Variants in CEP128 observed in about 807,000 individuals in gnomAD.
The protein encoded by CEP128 is centrosomal protein 128kDa.
Under a neutral mutation model 156.7 loss-of-function variants are expected in CEP128, and 132 were observed. The ratio of observed to expected loss-of-function variants is 0.84; its 90% CI spans 0.73 to 0.97. CEP128 has a LOEUF of 0.97. Ranked by LOEUF, CEP128 falls within the 50% of genes least tolerant of loss-of-function variation. The probability of loss-of-function intolerance (pLI) is 0.00; values close to 1 mark genes in which losing one functional copy is unlikely to be tolerated. For missense variants in CEP128, 1,252 were observed against 1,281.9 expected (o/e 0.98, Z 0.36); for synonymous variants, 469 against 448.9 (o/e 1.04, Z -0.57).
At chr14:80,846,792 C>T (rs2140103181) in intron 9 of CEP128, among the ~76,000 whole-genome samples, 1 of 152,246 alleles carries the variant, frequency 6.6e-6, no homozygotes, top group South Asian at 2.1e-4. Flanking sequence ...TACATTTATA[C>T]ATCATCTTGT....
chr14:80,947,042 C>T (rs1886362061), intron 2 of CEP128, among the ~76,000 whole-genome samples: 1 of 152,158 alleles, frequency 6.6e-6, no homozygotes, highest in Non-Finnish European at 1.5e-5. Context: ...CTTCAAAGCA[C>T]CATGATTGTA....
rs531550529 is a variant in CEP128 at position 80,597,696 on chromosome 14, T to A, written c.2807-17273A>T. Among the ~76,000 whole-genome samples the A allele has an allele frequency of 1.2e-4, 18 of 151,878 alleles. No individual in the cohort carries two copies. In the East Asian group the frequency reaches 3.1e-3, roughly 26 times the overall value. ...CTGAGCATAGAAAACACATCTTTTT[T>A]AAATAATTAGCAAATAGAATTTAGC... is the stretch of plus-strand genomic sequence containing the variant. On this transcript the variant is annotated intron_variant, in intron 19 of 24. Coordinates refer to ENST00000555265, the MANE Select transcript of CEP128 (RefSeq NM_152446.5).
intron 24 of CEP128, among the ~76,000 whole-genome samples, chr14:80,503,873 A>C (rs895023423): frequency 3.9e-5 from 6 of 152,212 alleles, no homozygotes; most frequent in Non-Finnish European, 8.8e-5. Flanking sequence ...GAAATAATGA[A>C]AAACCACACC....
At chr14:80,726,802 A>T (rs1245947795) in intron 19 of CEP128, among the ~76,000 whole-genome samples, 1 of 152,210 alleles carries the variant, frequency 6.6e-6, no homozygotes, top group Non-Finnish European at 1.5e-5. Context: ...AGAATTTTAA[A>T]AGGAAGAGAA....
At chr14:80,672,301 A>G (rs1263561689) in intron 19 of CEP128, among the ~76,000 whole-genome samples, 2 of 62,036 alleles carry the variant, frequency 3.2e-5, no homozygotes, top group Non-Finnish European at 7.5e-5. Context: ...GAGATACCTA[A>G]TAAGCCAAAA....
At chr14:80,841,721 A>C (rs914397789) in intron 9 of CEP128, among the ~76,000 whole-genome samples, 1 of 151,944 alleles carries the variant, frequency 6.6e-6, no homozygotes, top group African/African-American at 2.4e-5. Context: ...TCACTCACCT[A>C]CTTAGTGACA....
At chr14:80,762,135 G>C (rs1376375720) in intron 16 of CEP128, among the ~76,000 whole-genome samples, 5 of 152,044 alleles carry the variant, frequency 3.3e-5, no homozygotes, top group Admixed American at 2.6e-4. Flanking sequence ...AAATGCTTTT[G>C]AGTCGTGAAA....
intron 21 of CEP128, among the ~76,000 whole-genome samples, chr14:80,557,055 GT>G (rs1426617180): frequency 6.6e-6 from 1 of 152,104 alleles, no homozygotes; most frequent in Non-Finnish European, 1.5e-5. Context: ...AACTACTGCT[GT>G]TTAAAATCTA....
chr14:80,604,893 T>C (rs1485430206), intron 19 of CEP128, among the ~76,000 whole-genome samples: 1 of 152,068 alleles, frequency 6.6e-6, no homozygotes, highest in Non-Finnish European at 1.5e-5. Flanking sequence ...TAGACAGATC[T>C]GAAATTCAGA....
chr14:80,593,268 C>T (rs542205619), intron 19 of CEP128, among the ~76,000 whole-genome samples: 14 of 152,020 alleles, frequency 9.2e-5, no homozygotes, highest in African/African-American at 2.9e-4. Context: ...TGTTGTCGGC[C>T]GGGTGAGGTG....
intron 16 of CEP128, among the ~76,000 whole-genome samples, chr14:80,765,691 T>C (rs1324503231): frequency 6.6e-6 from 1 of 152,158 alleles, no homozygotes; most frequent in Non-Finnish European, 1.5e-5. Context: ...CAGCAGTCTA[T>C]GAGATCCAAG....
At chr14:80,551,478 A>C (rs1413234388) in intron 21 of CEP128, among the ~76,000 whole-genome samples, 1 of 152,172 alleles carries the variant, frequency 6.6e-6, no homozygotes, top group Non-Finnish European at 1.5e-5. Flanking sequence ...GACAAATCAC[A>C]CTTGCTTTAT....
intron 19 of CEP128, among the ~76,000 whole-genome samples, chr14:80,698,443 A>G (rs1315928067): frequency 6.6e-6 from 1 of 152,184 alleles, no homozygotes; most frequent in Non-Finnish European, 1.5e-5. Flanking sequence ...AGTACTGATC[A>G]TAATAACCCT....
At chr14:80,917,545 G>GT (rs1178099698) in intron 2 of CEP128, among the ~76,000 whole-genome samples, 1 of 151,970 alleles carries the variant, frequency 6.6e-6, no homozygotes, top group African/African-American at 2.4e-5. Flanking sequence ...GTTTTCTTTT[G>GT]TTTTTTGAGA....
intron 19 of CEP128, among the ~76,000 whole-genome samples, chr14:80,709,147 T>G (rs1255754527): frequency 5.7e-5 from 8 of 139,618 alleles, no homozygotes; most frequent in Non-Finnish European, 6.2e-5. Context: ...AGGGTTTTTG[T>G]TTTTTTTTTG....
chr14:80,899,482 A>C (rs1432912330), intron 7 of CEP128, among the ~76,000 whole-genome samples: 2 of 152,250 alleles, frequency 1.3e-5, no homozygotes, highest in Non-Finnish European at 2.9e-5. Context: ...AAGATGGGGC[A>C]GATGTTAACC....
intron 2 of CEP128, among the ~76,000 whole-genome samples, chr14:80,947,762 G>T (rs1886378392): frequency 6.6e-6 from 1 of 152,222 alleles, no homozygotes; most frequent in Non-Finnish European, 1.5e-5. Flanking sequence ...GAGAGGAATA[G>T]GAGGTTGGGG....
At chr14:80,880,738 C>G (rs1888496756) in intron 8 of CEP128, among the ~76,000 whole-genome samples, 1 of 150,126 alleles carries the variant, frequency 6.7e-6, no homozygotes, top group Non-Finnish European at 1.5e-5. Flanking sequence ...TGGTGGGCGC[C>G]TGTAGTCCCA....
chr14:80,761,450 A>G lies in CEP128; in HGVS notation c.2540T>C (p.Val847Ala). The G allele has an allele frequency of 6.2e-7, 1 of 1,603,390 alleles. No individual in the cohort carries two copies. Among genetic ancestry groups the G allele is most frequent in the South Asian group, 1.1e-5 (1 of 89,604 alleles). The change falls in exon 17 of 25, where the codon GTG becomes GCG. Residue 847 changes from valine to alanine, a missense_variant. By Grantham distance (64) the Val-to-Ala change is moderately conservative. Coordinates refer to ENST00000555265, the MANE Select transcript of CEP128 (RefSeq NM_152446.5). ...ATTCATAATTACTTTTAATTTCTCCACTGAGTCCTTGGAGAATGTTTTACA... is the reference window on the plus strand; with the variant it reads ...ATTCATAATTACTTTTAATTTCTCCGCTGAGTCCTTGGAGAATGTTTTACA... ...AACKTFSKDS[V>A]EKLKVFSSGP...
Sources: allele counts gnomAD v4.1 joint callset (sites outside exome capture counted in the v4.1 genomes callset), GRCh38; gene constraint gnomAD v4.1.1; transcripts MANE v1.5; gene names NCBI Gene and HGNC (gene_info 2026-07-23, HGNC 2026-07-21).